The following PKD2L2 variants were observed in gnomAD, a reference collection of about 807,000 sequenced individuals.
PKD2L2 encodes the protein polycystin-2-like protein 2.
Under a neutral mutation model 83.9 loss-of-function variants are expected in PKD2L2, and 67 were observed. That is an observed-to-expected ratio of 0.80 (90% confidence interval 0.66 to 0.98). PKD2L2 has a LOEUF of 0.98. PKD2L2 is among the 50% of genes least tolerant of loss of function. The pLI is 0.00. For missense variants in PKD2L2, 632 were observed against 717.2 expected, an observed-to-expected ratio of 0.88 and a Z score of 1.36; for synonymous variants, 223 against 237.8, an observed-to-expected ratio of 0.94 and a Z score of 0.57.
At chr5:137,940,492 G>C (rs1761365058) in intron 14 of PKD2L2, 1 of 603,342 alleles carries the variant, frequency 1.7e-6, no homozygotes, top group Non-Finnish European at 2.9e-6. Context: ...AAAGGTTATT[G>C]AACTAATACC....
rs1293361742 is a variant in PKD2L2 at position 137,936,329 on chromosome 5, A to G, written c.1794A>G (p.Leu598=). Residue 598 remains leucine (L), a synonymous_variant, in exon 14 of 15, where the codon TTA becomes TTG. Coordinates refer to ENST00000508883, the MANE Select transcript of PKD2L2 (RefSeq NM_001300921.2). ...CTTCGAAATTTTCTAGACTTTTTTT[A>G]TATGCTGTGGAGCTGGAGAAGGAAT... The part of the protein sequence containing the change: ...VTQEEFRELF[L]YAVELEKELH... 6 of 1,530,378 alleles carry G rather than the reference A, an allele frequency of 3.9e-6. No homozygotes were observed. The African/African-American group carries it at 4.1e-5, about 10-fold the overall frequency. 94.8% of individuals were successfully genotyped at this position (1,530,378 alleles called of 1,614,324 possible). A position where few individuals can be genotyped will look rare whatever the true frequency, so the allele number is the denominator to read the frequency against.
In PKD2L2 at chr5:137,899,753, CT is replaced by C. The variant is rs748586364; in HGVS notation, c.746+23del. 28 of 1,488,264 alleles carry C rather than the reference CT, an allele frequency of 1.9e-5. No individual in the cohort carries two copies. Among genetic ancestry groups the C allele is most frequent in the East Asian group, 1.6e-4 (7 of 43,982 alleles). The allele number at this position is 1,488,264 out of a possible 1,614,324, so 92.2% of individuals were successfully genotyped here. A position where few individuals can be genotyped will look rare whatever the true frequency, so the allele number is the denominator to read the frequency against. The stretch of plus-strand genomic sequence containing the variant: ...GTATTATCAGGTGAGTGACTCAAAA[CT>C]TTTTTTCATAGACAGTGGTCAATGG... On this transcript the variant is annotated intron_variant, in intron 5 of 14. Transcript: ENST00000508883.
chr5:137,913,761 T>A (rs1758065173), intron 8 of PKD2L2, among the ~76,000 whole-genome samples: 1 of 151,980 alleles, frequency 6.6e-6, no homozygotes, highest in African/African-American at 2.4e-5. Flanking sequence ...TTGTTCAGGC[T>A]GGTTTTGAAC....
intron 14 of PKD2L2, 23 bp downstream of exon 14, chr5:137,936,450 T>C (rs1289489733): frequency 1.3e-6 from 2 of 1,524,314 alleles, no homozygotes; most frequent in African/African-American, 1.4e-5. Context: ...GATGCAATCA[T>C]TGAGCATTTC....
chr5:137,913,582 C>A (rs1220460431), intron 8 of PKD2L2, among the ~76,000 whole-genome samples: 1 of 151,646 alleles, frequency 6.6e-6, no homozygotes, highest in East Asian at 1.9e-4. Context: ...CCTCCACCTC[C>A]CAGGTTCAAG....
intron 6 of PKD2L2, among the ~76,000 whole-genome samples, chr5:137,906,696 A>G (rs897772139): frequency 1.3e-5 from 2 of 152,152 alleles, no homozygotes; most frequent in Non-Finnish European, 2.9e-5. Flanking sequence ...TTTAATGTGC[A>G]CAGTAGGCCT....
intron 14 of PKD2L2, among the ~76,000 whole-genome samples, chr5:137,937,612 C>A (rs1039132538): frequency 5.3e-5 from 8 of 152,304 alleles, no homozygotes; most frequent in Non-Finnish European, 8.8e-5. Context: ...TTTTAAAACT[C>A]AAATATAAAG....
chr5:137,932,348 CA>C (rs533671829), intron 12 of PKD2L2, among the ~76,000 whole-genome samples: 91 of 136,486 alleles, frequency 6.7e-4, no homozygotes, highest in African/African-American at 4.6e-4. Flanking sequence ...AACTCTGTCT[CA>C]AAAAAAAAAA....
rs1034139105 is a variant in PKD2L2 at position 137,906,371 on chromosome 5, A to G, written c.912A>G (p.Ile304Met). ...TCACAACACAAGAAGTCAAAAAAATAAAAGAATTTAAGTCTGCCTATTTCA... is the reference window on the plus strand; with the variant it reads ...TCACAACACAAGAAGTCAAAAAAATGAAAGAATTTAAGTCTGCCTATTTCA... ...FVFTTQEVKK[I>M]KEFKSAYFKS... The change falls in exon 6 of 15, where the codon ATA (isoleucine) becomes ATG (methionine). Residue 304 changes from isoleucine (I) to methionine (M), a missense_variant. By Grantham distance (10) the Ile-to-Met change is conservative. Transcript: ENST00000508883. 3 of 1,610,720 alleles carry G rather than the reference A, an allele frequency of 1.9e-6. No homozygotes were observed. The highest frequency in any genetic ancestry group is 2.2e-5 in the East Asian group (1 of 44,840).
In PKD2L2 at chr5:137,907,823, G is replaced by GA. The variant is rs1434340089; in HGVS notation, c.1062dup (p.Tyr355IlefsTer16). 6.4e-7 allele frequency: 1 copy of GA among 1,569,482 alleles called. No individual in the cohort carries two copies. Among genetic ancestry groups the GA allele is most frequent in the Non-Finnish European group, 8.7e-7 (1 of 1,143,260 alleles). On this transcript the variant is annotated frameshift_variant, in exon 7 of 15. Transcript: ENST00000508883. LOFTEE classifies it high-confidence loss of function. ...ACTTGGACAGCTGTTGAAAAGTACT[G>GA]AAAAATATTCAGATTTCTATTTTCT...
chr5:137,921,102 T>C (rs918330681), intron 8 of PKD2L2, among the ~76,000 whole-genome samples: 1 of 152,188 alleles, frequency 6.6e-6, no homozygotes, highest in Non-Finnish European at 1.5e-5. Flanking sequence ...GGCTCATGCC[T>C]GTAATCCCAG....
intron 6 of PKD2L2, among the ~76,000 whole-genome samples, 176 bp from the exon 7 acceptor site, chr5:137,907,566 T>G (rs1757464752): frequency 6.6e-6 from 1 of 152,292 alleles, no homozygotes; most frequent in Admixed American, 6.5e-5. Flanking sequence ...TAATTAATGC[T>G]ACCTTAAACT....
In PKD2L2 at chr5:137,925,114, CT is replaced by C; in HGVS notation, c.1616+12del. The C allele has an allele frequency of 6.5e-7, 1 of 1,528,794 alleles. No homozygotes were observed. Among genetic ancestry groups the C allele is most frequent in the Non-Finnish European group, 9.1e-7 (1 of 1,103,118 alleles). 94.7% of individuals were successfully genotyped at this position (1,528,794 alleles called of 1,614,324 possible). ...ATGAAGACAAGAAAACGTAAGATGACTTCTCTCAAATGTTTAACTTACCATT... is the reference window on the plus strand; with the variant it reads ...ATGAAGACAAGAAAACGTAAGATGACTCTCTCAAATGTTTAACTTACCATT... On this transcript the variant is annotated intron_variant, in intron 11 of 14. Transcript: ENST00000508883.
chr5:137,930,588 G>T (rs940318652), intron 12 of PKD2L2, among the ~76,000 whole-genome samples: 2 of 151,500 alleles, frequency 1.3e-5, no homozygotes, highest in Admixed American at 6.6e-5. Flanking sequence ...GGTGAACACC[G>T]GGAGGTGGAG....
chr5:137,918,705 C>T (rs913474017), intron 8 of PKD2L2, among the ~76,000 whole-genome samples: 6 of 152,156 alleles, frequency 3.9e-5, no homozygotes, highest in Non-Finnish European at 8.8e-5. Flanking sequence ...AAGCCTTTCC[C>T]TGGAAGTTGC....
At chr5:137,906,654 T>C (rs1050186905) in intron 6 of PKD2L2, among the ~76,000 whole-genome samples, 1 of 152,182 alleles carries the variant, frequency 6.6e-6, no homozygotes, top group African/African-American at 2.4e-5. Context: ...AGCGTAAACC[T>C]ACAGGGAAAG....
chr5:137,898,028 G>A (rs940597819), intron 4 of PKD2L2, among the ~76,000 whole-genome samples: 2 of 151,016 alleles, frequency 1.3e-5, no homozygotes, highest in Admixed American at 6.6e-5. Flanking sequence ...GTGCAGTGGC[G>A]CAGTCTTGGC....
chr5:137,905,484 C>T (rs1757294342), intron 5 of PKD2L2, among the ~76,000 whole-genome samples: 1 of 151,944 alleles, frequency 6.6e-6, no homozygotes, highest in African/African-American at 2.4e-5. Context: ...ATAAGAGTAC[C>T]AACATTTGCT....
At position 137,889,507 on chromosome 5, in the gene PKD2L2, C is replaced by T. The variant is rs774501132; in HGVS notation, c.16C>T (p.Arg6Trp). Residue 6 changes from arginine (R) to tryptophan (W), a missense_variant, in exon 1 of 15, where the codon CGG (arginine) becomes TGG (tryptophan). Arg to Trp is a moderately radical substitution (Grantham distance 101, BLOSUM62 -3). Around this residue, in one of 3 missense-constraint regions of PKD2L2, gnomAD observed 229 missense variants for 281.5 expected, o/e 0.81. Coordinates refer to ENST00000508883, the MANE Select transcript of PKD2L2 (RefSeq NM_001300921.2). MAEAS[R>W]WHRGGASKHK... ...CAGGTCCGCCATGGCTGAGGCGTCA[C>T]GGTGGCACCGAGGCGGTGAGGGGTC... is the stretch of plus-strand genomic sequence containing the variant. 2 of 1,557,240 alleles carry T rather than the reference C, an allele frequency of 1.3e-6. No homozygotes were observed. Among genetic ancestry groups the T allele is most frequent in the Middle Eastern group, 1.7e-4 (1 of 5,928 alleles).
Sources: gnomAD v4.1 joint callset for allele counts (sites outside exome capture counted in the v4.1 genomes callset) on GRCh38, gnomAD v4.1.1 for gene constraint, gnomAD v4.1.1 regional missense constraint, MANE v1.5 for transcripts, NCBI Gene and HGNC (gene_info 2026-07-23, HGNC 2026-07-21) for gene names.